Variants in FRMPD4 observed in about 807,000 individuals in gnomAD.
FRMPD4 encodes FERM and PDZ domain containing 4.
In FRMPD4, 22 loss-of-function variants were observed where a neutral mutation model predicts 94.1. That is an observed-to-expected ratio of 0.23 (90% confidence interval 0.17 to 0.33). FRMPD4 has a LOEUF of 0.33. Ranked by LOEUF, FRMPD4 falls within the 10% of genes least tolerant of loss-of-function variation. The probability of loss-of-function intolerance (pLI) is 1.00; values close to 1 mark genes in which losing one functional copy is unlikely to be tolerated. For synonymous variants in FRMPD4, 631 were observed against 548.6 expected (o/e 1.15, Z -2.10); for missense variants, 1,111 against 1,339.9 (o/e 0.83, Z 2.67).
intron 1 of FRMPD4, among the ~76,000 whole-genome samples, chrX:12,334,306 C>G (rs967806599): frequency 9.0e-6 from 1 of 110,818 alleles, no homozygotes; most frequent in African/African-American, 3.3e-5. Context: ...TGGAATTGCC[C>G]CCAGCCTTCC....
intron 1 of FRMPD4, among the ~76,000 whole-genome samples, chrX:12,140,617 A>G (rs1323467664): frequency 8.9e-6 from 1 of 112,442 alleles, no homozygotes; most frequent in East Asian, 2.8e-4. Context: ...CAAAGTAACC[A>G]GGATACTTTT....
intron 2 of FRMPD4, among the ~76,000 whole-genome samples, chrX:12,524,524 T>C (rs927451435): frequency 9.0e-6 from 1 of 111,474 alleles, no homozygotes; most frequent in African/African-American, 3.3e-5. Flanking sequence ...ATTAATATGA[T>C]GATGATGATG....
intron 1 of FRMPD4, among the ~76,000 whole-genome samples, chrX:12,303,101 C>G (rs1040558708): frequency 2.7e-5 from 3 of 111,708 alleles, no homozygotes; most frequent in African/African-American, 9.8e-5. Context: ...CAACTTTCTC[C>G]ACAAACAGCA....
intron 1 of FRMPD4, among the ~76,000 whole-genome samples, chrX:12,196,476 G>A (rs1348183859): frequency 4.5e-5 from 5 of 110,713 alleles, no homozygotes; most frequent in African/African-American, 1.6e-4. Context: ...GCCAGTTGAA[G>A]TTTGGAACTA....
intron 3 of FRMPD4, among the ~76,000 whole-genome samples, chrX:12,070,673 G>A (rs945345786): frequency 8.9e-6 from 1 of 111,961 alleles, no homozygotes; most frequent in Non-Finnish European, 1.9e-5. Flanking sequence ...CTAATTTATT[G>A]CAGAGCCCTC....
intron 1 of FRMPD4, among the ~76,000 whole-genome samples, chrX:12,387,020 CT>C (rs944799943): frequency 1.8e-5 from 2 of 111,609 alleles, no homozygotes; most frequent in African/African-American, 6.5e-5. Context: ...TAAAGAGAAG[CT>C]TTTTTAAATT....
At chrX:11,826,442 G>A (rs1166484839) in intron 1 of FRMPD4, among the ~76,000 whole-genome samples, 1 of 111,572 alleles carries the variant, frequency 9.0e-6, no homozygotes, top group Non-Finnish European at 1.9e-5. Flanking sequence ...ATAGGAGGGG[G>A]CGAAAAGACA....
intron 1 of FRMPD4, chrX:12,395,955 A>G: frequency 6.1e-6 from 1 of 165,023 alleles, no homozygotes; most frequent in Non-Finnish European, 1.2e-5. Context: ...ATCTACATCT[A>G]AACCCTCAAG....
In FRMPD4 at chrX:12,238,188, C is replaced by T. The variant is rs779590666; in HGVS notation, c.41+99176C>T. On this transcript the variant is annotated intron_variant, in intron 1 of 16. Coordinates refer to ENST00000675598, the MANE Select transcript of FRMPD4 (RefSeq NM_001368397.1). ...TGCCCAGGCTGGAGGGCAATGGTGC[C>T]ATCTCAGCTCACCACAACCTCCGCT... is the stretch of plus-strand genomic sequence containing the variant. 2.6e-3 allele frequency among the ~76,000 whole-genome samples: 293 copies of T among 111,500 alleles called. 1 individual carries two copies. The highest frequency in any genetic ancestry group is 4.6e-3 in the Middle Eastern group (1 of 217).
chrX:12,656,787 G>C (rs1352458843), intron 4 of FRMPD4, among the ~76,000 whole-genome samples: 1 of 111,440 alleles, frequency 9.0e-6, no homozygotes, highest in Admixed American at 9.5e-5. Flanking sequence ...ATTATCTATT[G>C]GTACATAACA....
intron 4 of FRMPD4, among the ~76,000 whole-genome samples, chrX:12,672,923 C>G (rs1040310696): frequency 4.5e-5 from 5 of 111,993 alleles, no homozygotes; most frequent in African/African-American, 1.6e-4. Flanking sequence ...TTATTTCTAG[C>G]AAAATGGTGA....
In FRMPD4 at chrX:12,139,023, C is replaced by A; in HGVS notation, c.41+11C>A. ...TGCAAAGCTTTCGAGGTAGGGGCTG[C>A]GCGGGTTCCGTTTGCACCCAGGGCC... is the stretch of plus-strand genomic sequence containing the variant. On this transcript the variant is annotated intron_variant, in intron 1 of 16. Coordinates refer to ENST00000675598, the MANE Select transcript of FRMPD4 (RefSeq NM_001368397.1). 8.8e-7 allele frequency: 1 copy of A among 1,141,726 alleles called. No homozygotes were observed. Among genetic ancestry groups the A allele is most frequent in the Non-Finnish European group, 1.2e-6 (1 of 858,322 alleles). 94.1% of individuals were successfully genotyped at this position (1,141,726 alleles called of 1,213,427 possible).
intron 1 of FRMPD4, among the ~76,000 whole-genome samples, chrX:11,851,026 T>C (rs758999696): frequency 9.0e-6 from 1 of 111,638 alleles, no homozygotes; most frequent in African/African-American, 3.3e-5. Flanking sequence ...CTGGTGGACA[T>C]AGTGAAGCTA....
chrX:12,300,882 G>T (rs770663822), intron 1 of FRMPD4, among the ~76,000 whole-genome samples: 25 of 111,325 alleles, frequency 2.2e-4, no homozygotes, highest in Non-Finnish European at 3.8e-4. Context: ...TGAGGAAAAG[G>T]TGAGAGCAGT....
chrX:12,008,323 G>T (rs964448475), intron 3 of FRMPD4, among the ~76,000 whole-genome samples: 5 of 111,503 alleles, frequency 4.5e-5, no homozygotes, highest in African/African-American at 1.6e-4. Context: ...CAACCCCAGG[G>T]GTTCTGGCTC....
At chrX:12,290,119 A>G (rs2054663226) in intron 1 of FRMPD4, among the ~76,000 whole-genome samples, 1 of 111,598 alleles carries the variant, frequency 9.0e-6, no homozygotes, top group Admixed American at 9.5e-5. Context: ...GTGATAGTCA[A>G]CAAACAGCAC....
upstream of FRMPD4, among the ~76,000 whole-genome samples, chrX:12,138,102 G>T (rs1373352173): frequency 8.9e-6 from 1 of 112,226 alleles, no homozygotes; most frequent in Non-Finnish European, 1.9e-5. Context: ...CAGTGGTCAC[G>T]TCTCGCCCCA....
chrX:11,942,401 G>A (rs915946294), intron 3 of FRMPD4, among the ~76,000 whole-genome samples: 3 of 110,861 alleles, frequency 2.7e-5, no homozygotes, highest in Middle Eastern at 9.2e-3. Context: ...TAATTGCAAG[G>A]TGCAGTTTAA....
At chrX:12,142,881 A>G (rs185225260) in intron 1 of FRMPD4, among the ~76,000 whole-genome samples, 2 of 111,971 alleles carry the variant, frequency 1.8e-5, no homozygotes, top group Admixed American at 9.5e-5. Context: ...ACTTACTTGT[A>G]CTTTAAATGC....
Sources: gnomAD v4.1 joint callset for allele counts (sites outside exome capture counted in the v4.1 genomes callset) on GRCh38, gnomAD v4.1.1 for gene constraint, MANE v1.5 for transcripts, NCBI Gene and HGNC (gene_info 2026-07-23, HGNC 2026-07-21) for gene names.